The following EFCAB13 variants were observed in gnomAD, a reference collection of about 807,000 sequenced individuals.
The protein encoded by EFCAB13 is EF-hand calcium binding domain 13.
In EFCAB13, 91 loss-of-function variants were observed where a neutral mutation model predicts 110.2. The observed-to-expected ratio is 0.83, with a 90% CI of 0.70 to 0.98. The LOEUF (loss-of-function observed/expected upper bound fraction) is 0.98, where lower values mean the gene tolerates loss of function less well. EFCAB13 is among the 50% of genes least tolerant of loss of function. The pLI, the probability that EFCAB13 is intolerant of heterozygous loss-of-function variation, is 0.00. For missense variants in EFCAB13, 968 were observed against 1,119.4 expected, an observed-to-expected ratio of 0.86 and a Z score of 1.93; for synonymous variants, 323 against 369.9, an observed-to-expected ratio of 0.87 and a Z score of 1.45.
At chr17:47,418,891 C>A (rs1904539512) in intron 23 of EFCAB13, among the ~76,000 whole-genome samples, 1 of 152,140 alleles carries the variant, frequency 6.6e-6, no homozygotes, top group Non-Finnish European at 1.5e-5. Flanking sequence ...ACTCTCAATT[C>A]TATTCCTTTT....
At chr17:47,328,462 C>A in intron 4 of EFCAB13, 79 bp downstream of exon 4, 1 of 1,154,872 alleles carries the variant, frequency 8.7e-7, no homozygotes, top group South Asian at 1.5e-5. Flanking sequence ...TATTCATAAT[C>A]AGTAAGCAAA....
chr17:47,403,104 T>G lies in EFCAB13; in HGVS notation c.2018-774T>G, dbSNP rs559200093. On this transcript the variant is annotated intron_variant, in intron 18 of 24. Coordinates refer to ENST00000331493, the MANE Select transcript of EFCAB13 (RefSeq NM_152347.5). ...ATCTGTAGTTGCATCCCAGTGATGTTAGAGGAATAGAAAGTGAGGCAGGAC... is the reference window on the plus strand; with the variant it reads ...ATCTGTAGTTGCATCCCAGTGATGTGAGAGGAATAGAAAGTGAGGCAGGAC... Among the ~76,000 whole-genome samples, 5 of 152,290 alleles carry G rather than the reference T, an allele frequency of 3.3e-5. No individual in the cohort carries two copies. The East Asian group carries it at 7.7e-4, about 23-fold the overall frequency.
At chr17:47,405,638 C>G (rs2065801206) in intron 20 of EFCAB13, among the ~76,000 whole-genome samples, 1 of 151,304 alleles carries the variant, frequency 6.6e-6, no homozygotes, top group South Asian at 2.1e-4. Flanking sequence ...TTAGGACAGC[C>G]CTATGCACTT....
intron 24 of EFCAB13, chr17:47,430,189 C>T (rs1428104529): frequency 4.4e-6 from 5 of 1,126,788 alleles, no homozygotes; most frequent in South Asian, 4.2e-5. Context: ...ACTGACAGTA[C>T]CTAGGAGGTG....
chr17:47,390,093 T>G (rs1429044863), intron 14 of EFCAB13, among the ~76,000 whole-genome samples: 1 of 152,194 alleles, frequency 6.6e-6, no homozygotes, highest in African/African-American at 2.4e-5. Context: ...TACCTGGTAA[T>G]GGCTTTAATG....
chr17:47,416,921 T>C (rs987682384), intron 23 of EFCAB13, among the ~76,000 whole-genome samples: 3 of 152,194 alleles, frequency 2.0e-5, no homozygotes, highest in Non-Finnish European at 4.4e-5. Flanking sequence ...AAGTGGATAC[T>C]TTTGCTTCAA....
At chr17:47,383,457 C>G (rs1178304016) in intron 14 of EFCAB13, among the ~76,000 whole-genome samples, 2 of 152,166 alleles carry the variant, frequency 1.3e-5, no homozygotes, top group African/African-American at 4.8e-5. Context: ...TTAGCTGCAT[C>G]CCAGAGATTC....
rs1327456744 is a variant in EFCAB13 at position 47,412,924 on chromosome 17, T to A, written c.2422+8T>A. ...ACTGTTGTAACGTCAGTGGTGAGCA[T>A]TTTTTTGGCCTGAGATTCTTTTCAT... On this transcript the variant is annotated splice_region_variant and intron_variant, in intron 22 of 24. Coordinates refer to ENST00000331493, the MANE Select transcript of EFCAB13 (RefSeq NM_152347.5). The A allele has an allele frequency of 6.3e-7, 1 of 1,593,240 alleles. No homozygotes were observed. The highest frequency in any genetic ancestry group is 1.4e-5 in the African/African-American group (1 of 73,972).
intron 5 of EFCAB13, among the ~76,000 whole-genome samples, chr17:47,337,080 T>G (rs2143241028): frequency 6.6e-6 from 1 of 152,338 alleles, no homozygotes; most frequent in South Asian, 2.1e-4. Context: ...TCACCACTAC[T>G]CCTGTTTGTT....
At chr17:47,364,089 C>T (rs1385150849) in intron 10 of EFCAB13, among the ~76,000 whole-genome samples, 5 of 152,050 alleles carry the variant, frequency 3.3e-5, no homozygotes, top group Non-Finnish European at 7.4e-5. Context: ...GTATATTGGA[C>T]AAATGATACT....
chr17:47,338,105 G>A (rs966182324), intron 5 of EFCAB13, among the ~76,000 whole-genome samples: 3 of 152,032 alleles, frequency 2.0e-5, no homozygotes, highest in African/African-American at 7.3e-5. Context: ...GTAATGGAGT[G>A]GAAGTCATGA....
chr17:47,384,488 C>T (rs11868143), intron 14 of EFCAB13, among the ~76,000 whole-genome samples: 13,122 of 151,466 alleles, frequency 0.087, 798 homozygotes, highest in East Asian at 0.33. Context: ...AAGTTTTTCC[C>T]TTCTTAATAT....
Position 47,395,924 on chromosome 17 carries a change from G to C in EFCAB13, c.1892G>C (p.Ser631Thr). Residue 631 changes from serine (S) to threonine (T), a missense_variant, in exon 17 of 25, where the codon AGT becomes ACT. Coordinates refer to ENST00000331493, the MANE Select transcript of EFCAB13 (RefSeq NM_152347.5). ...DLWNTLSSLN[S>T]NLKKDEFLAA... ...TGGAATACTCTGTCTAGTTTGAATA[G>C]TAATTTAAAAAAGGATGAATTTCTA... 1 of 1,609,434 alleles carries C rather than the reference G, an allele frequency of 6.2e-7. No homozygotes were observed. The highest frequency in any genetic ancestry group is 1.1e-5 in the South Asian group (1 of 90,396).
At chr17:47,371,566 G>A (rs759053762) in intron 11 of EFCAB13, among the ~76,000 whole-genome samples, 1 of 152,086 alleles carries the variant, frequency 6.6e-6, no homozygotes, top group Non-Finnish European at 1.5e-5. Context: ...TCAGTTGGGT[G>A]TAAATATGTG....
rs2065300870 is a variant in EFCAB13 at position 47,328,502 on chromosome 17, G to A, written c.30+119G>A. The A allele has an allele frequency of 1.2e-5, 9 of 760,394 alleles. No individual in the cohort carries two copies. The South Asian group carries it at 1.8e-4, about 15-fold the overall frequency. 47.1% of individuals were successfully genotyped at this position (760,394 alleles called of 1,614,324 possible). ...TAGAGTAATAGTTATAAGGAACCTG[G>A]CCAAGTAACTGAGATGATGTTTGAG... is the stretch of plus-strand genomic sequence containing the variant. On this transcript the variant is annotated intron_variant, in intron 4 of 24. Coordinates refer to ENST00000331493, the MANE Select transcript of EFCAB13 (RefSeq NM_152347.5).
At chr17:47,437,098 G>C (rs1905229033) in intron 24 of EFCAB13, among the ~76,000 whole-genome samples, 1 of 152,002 alleles carries the variant, frequency 6.6e-6, no homozygotes, top group Non-Finnish European at 1.5e-5. Context: ...TTGATTTCCA[G>C]TTTTATTCCA....
chr17:47,332,443 G>C (rs1405287495), intron 4 of EFCAB13, among the ~76,000 whole-genome samples: 2 of 151,950 alleles, frequency 1.3e-5, no homozygotes, highest in Non-Finnish European at 2.9e-5. Flanking sequence ...TGATTTTGAA[G>C]TATATATTAT....
intron 23 of EFCAB13, among the ~76,000 whole-genome samples, chr17:47,420,908 A>AG (rs1471937538): frequency 7.5e-6 from 1 of 132,932 alleles, no homozygotes; most frequent in Non-Finnish European, 1.6e-5. Flanking sequence ...CTGGGAGGTG[A>AG]GGGGCGCCTC....
intron 21 of EFCAB13, among the ~76,000 whole-genome samples, chr17:47,411,307 A>G (rs1057140519): frequency 6.6e-6 from 1 of 152,166 alleles, no homozygotes; most frequent in Non-Finnish European, 1.5e-5. Flanking sequence ...TTGCTTTTGC[A>G]TTTATTTGCA....
Sources: allele counts gnomAD v4.1 joint callset (sites outside exome capture counted in the v4.1 genomes callset), GRCh38; gene constraint gnomAD v4.1.1; transcripts MANE v1.5; gene names NCBI Gene and HGNC (gene_info 2026-07-23, HGNC 2026-07-21).